TRAF6: variants seen among roughly 807,000 people sequenced by gnomAD.
TRAF6 encodes the protein TNF receptor associated factor 6.
In TRAF6, 10 loss-of-function variants were observed where a neutral mutation model predicts 48.4. The observed-to-expected ratio is 0.21, with a 90% CI of 0.13 to 0.35. The LOEUF is 0.35. Ranked by LOEUF, TRAF6 falls within the 10% of genes least tolerant of loss-of-function variation. TRAF6 has a pLI of 1.00. For synonymous variants in TRAF6, 186 were observed against 219.6 expected (o/e 0.85, Z 1.35); for missense variants, 397 against 661.0 (o/e 0.60, Z 4.38).
rs1169025987 is a variant in TRAF6 at position 36,484,695 on chromosome 11, A to G, written c.*5143T>C. Reference sequence around the variant, plus strand: ...GTCTTAGCTCCTAATTTAGTGACCTATATGCTAAATTACACCTTTTCATCC... The same window carrying G: ...GTCTTAGCTCCTAATTTAGTGACCTGTATGCTAAATTACACCTTTTCATCC... On this transcript the variant is annotated 3_prime_UTR_variant, in exon 7 of 7. Transcript: ENST00000526995. Among the ~76,000 whole-genome samples, 1 of 152,234 alleles carries G rather than the reference A, an allele frequency of 6.6e-6. No individual in the cohort carries two copies. Among genetic ancestry groups the G allele is most frequent in the Non-Finnish European group, 1.5e-5 (1 of 68,040 alleles).
intron 1 of TRAF6, among the ~76,000 whole-genome samples, chr11:36,509,425 CTT>C (rs879350395): frequency 1.6e-4 from 23 of 144,890 alleles, no homozygotes; most frequent in Admixed American, 1.4e-4. Flanking sequence ...TCATCTGAGC[CTT>C]TTTTTTTTTT....
chr11:36,496,773 C>T (rs5030458), intron 4 of TRAF6, among the ~76,000 whole-genome samples: 108 of 120,188 alleles, frequency 9.0e-4, no homozygotes, highest in African/African-American at 3.3e-3. Flanking sequence ...TCTTAATCTA[C>T]TTGTTTGTCT....
chr11:36,498,594 T>A lies in TRAF6; in HGVS notation c.343A>T (p.Asn115Tyr), dbSNP rs1859671847. ...GCAAAATTGTCTGGAAATAGTTGAT[T>A]TTCCAGCAGTATTTCATTGTCAACT... is the stretch of plus-strand genomic sequence containing the variant. Reference protein sequence around the residue: ...CPVDNEILLENQLFPDNFAKR... With the variant: ...CPVDNEILLEYQLFPDNFAKR... The change falls in exon 3 of 7, where the codon AAT becomes TAT. Residue 115 changes from asparagine to tyrosine, a missense_variant. Coordinates refer to ENST00000526995, the MANE Select transcript of TRAF6 (RefSeq NM_004620.4). 1 of 1,613,580 alleles carries A rather than the reference T, an allele frequency of 6.2e-7. No individual in the cohort carries two copies. The highest frequency in any genetic ancestry group is 8.5e-7 in the Non-Finnish European group (1 of 1,179,868).
In TRAF6 at chr11:36,483,943, A is replaced by G. The variant is rs1046241005; in HGVS notation, c.*5895T>C. ...CCATTCAAGGAACACTTTTGGTCAT[A>G]CCTTGCAACCAGTACTGAGACATGA... is the stretch of plus-strand genomic sequence containing the variant. On this transcript the variant is annotated 3_prime_UTR_variant, in exon 7 of 7. Coordinates refer to ENST00000526995, the MANE Select transcript of TRAF6 (RefSeq NM_004620.4). 2.3e-4 allele frequency among the ~76,000 whole-genome samples: 35 copies of G among 152,314 alleles called. No homozygotes were observed. Among genetic ancestry groups the G allele is most frequent in the Middle Eastern group, 3.4e-3 (1 of 292 alleles).
At chr11:36,502,199 A>G (rs1859727854) in intron 1 of TRAF6, among the ~76,000 whole-genome samples, 1 of 152,222 alleles carries the variant, frequency 6.6e-6, no homozygotes, top group Non-Finnish European at 1.5e-5. Flanking sequence ...GGACTTCCAA[A>G]TGCTCAGTGT....
chr11:36,495,754 T>G (rs769554779), intron 4 of TRAF6, among the ~76,000 whole-genome samples: 6 of 152,132 alleles, frequency 3.9e-5, no homozygotes, highest in Non-Finnish European at 7.4e-5. Flanking sequence ...TAGCCGGGCA[T>G]GGTGATGCAT....
chr11:36,495,870 C>T (rs1218817073), intron 4 of TRAF6, among the ~76,000 whole-genome samples: 1 of 151,922 alleles, frequency 6.6e-6, no homozygotes, highest in African/African-American at 2.4e-5. Flanking sequence ...CCAGCCTGGG[C>T]AACAGGAGTG....
intron 5 of TRAF6, 73 bp downstream of exon 5, chr11:36,494,903 T>A (rs1386505768): frequency 4.4e-6 from 5 of 1,129,120 alleles, no homozygotes; most frequent in Non-Finnish European, 6.5e-6. Context: ...TTGATTTAAA[T>A]TTTCAATTAA....
Position 36,490,533 on chromosome 11 carries a change from CCT to C in TRAF6, c.872_873del (p.Glu291GlyfsTer28). On this transcript the variant is annotated frameshift_variant, in exon 7 of 7. Transcript: ENST00000526995. LOFTEE classifies it high-confidence loss of function. The surrounding 1 kb of genome is among the most constrained non-coding windows in gnomAD (Gnocchi z 6.4). The part of the protein sequence containing the change: ...SVIPDSGYIS[E>X]VRNFQETIHQ... ...TGAATAGTTTCCTGGAAATTCCGGA[CCT>C]CTGAGATATACCCAGAGTCGGGTAT... The C allele has an allele frequency of 6.2e-7, 1 of 1,614,074 alleles. No individual in the cohort carries two copies. The highest frequency in any genetic ancestry group is 8.5e-7 in the Non-Finnish European group (1 of 1,180,040).
At position 36,486,592 on chromosome 11, in the gene TRAF6, T is replaced by A. The variant is rs1288431544; in HGVS notation, c.*3246A>T. 6.6e-6 allele frequency among the ~76,000 whole-genome samples: 1 copy of A among 152,150 alleles called. No individual in the cohort carries two copies. The highest frequency in any genetic ancestry group is 1.5e-5 in the Non-Finnish European group (1 of 68,036). ...CGTCCAGTATCTCTGTATTATTCCA[T>A]CATTAGAATAAAAAACACCTGCCTT... On this transcript the variant is annotated 3_prime_UTR_variant, in exon 7 of 7. Transcript: ENST00000526995.
At position 36,485,702 on chromosome 11, in the gene TRAF6, A is replaced by T. The variant is rs978336026; in HGVS notation, c.*4136T>A. Among the ~76,000 whole-genome samples the T allele has an allele frequency of 4.6e-5, 7 of 152,146 alleles. No homozygotes were observed. The highest frequency in any genetic ancestry group is 1.7e-4 in the African/African-American group (7 of 41,400). On this transcript the variant is annotated 3_prime_UTR_variant, in exon 7 of 7. Transcript: ENST00000526995. The stretch of plus-strand genomic sequence containing the variant: ...TTAAAATATTACACACACAAGTGAC[A>T]TTTAGTGAAACAACCAGGCACCTCC...
intron 1 of TRAF6, among the ~76,000 whole-genome samples, chr11:36,508,419 C>G (rs1465334981): frequency 6.6e-6 from 1 of 151,906 alleles, no homozygotes; most frequent in Non-Finnish European, 1.5e-5. Context: ...GAATTAGTAT[C>G]TGGGTGTACA....
intron 1 of TRAF6, among the ~76,000 whole-genome samples, chr11:36,503,046 A>T (rs942370284): frequency 6.6e-6 from 1 of 152,210 alleles, no homozygotes; most frequent in Non-Finnish European, 1.5e-5. Flanking sequence ...CCCAACTAAT[A>T]AGTAACAGAG....
chr11:36,506,819 T>C (rs566528971), intron 1 of TRAF6, among the ~76,000 whole-genome samples: 4 of 152,196 alleles, frequency 2.6e-5, no homozygotes, highest in Non-Finnish European at 5.9e-5. Flanking sequence ...AGAAGCTTTC[T>C]ATTTTCCAAA....
At chr11:36,499,482 T>G (rs2133673811) in intron 2 of TRAF6, among the ~76,000 whole-genome samples, 1 of 152,250 alleles carries the variant, frequency 6.6e-6, no homozygotes, top group East Asian at 1.9e-4. Flanking sequence ...CCCACTACTT[T>G]CATGAACATC....
intron 4 of TRAF6, among the ~76,000 whole-genome samples, chr11:36,496,662 TA>T (rs1220248977): frequency 3.9e-5 from 6 of 152,256 alleles, no homozygotes; most frequent in Non-Finnish European, 5.9e-5. Flanking sequence ...CGCTGCACGA[TA>T]AAGTATCATC....
Position 36,488,341 on chromosome 11 carries a change from G to A in TRAF6, c.*1497C>T, listed in dbSNP as rs1485979438. On this transcript the variant is annotated 3_prime_UTR_variant, in exon 7 of 7. Coordinates refer to ENST00000526995, the MANE Select transcript of TRAF6 (RefSeq NM_004620.4). Reference sequence around the variant, plus strand: ...GGGAGAAGAGAGAAAAAAGCAAAGGGAAAGTTCAAAGTGACACTCGCTGGG... The same window carrying A: ...GGGAGAAGAGAGAAAAAAGCAAAGGAAAAGTTCAAAGTGACACTCGCTGGG... 1 of 152,520 alleles carries A rather than the reference G, an allele frequency of 6.6e-6. No individual in the cohort carries two copies. The highest frequency in any genetic ancestry group is 2.4e-5 in the African/African-American group (1 of 41,428). The allele number at this position is 152,520 out of a possible 1,614,324, so 9.4% of individuals were successfully genotyped here.
In TRAF6 at chr11:36,484,662, G is replaced by C. The variant is rs1408039444; in HGVS notation, c.*5176C>G. ...CTGATTGACCCATGGTCAGTCAGGA[G>C]AAAATGTGTCTTAGCTCCTAATTTA... On this transcript the variant is annotated 3_prime_UTR_variant, in exon 7 of 7. Coordinates refer to ENST00000526995, the MANE Select transcript of TRAF6 (RefSeq NM_004620.4). Among the ~76,000 whole-genome samples, 3 of 152,122 alleles carry C rather than the reference G, an allele frequency of 2.0e-5. No individual in the cohort carries two copies. The highest frequency in any genetic ancestry group is 4.4e-5 in the Non-Finnish European group (3 of 68,022).
At chr11:36,504,227 G>A (rs1023331171) in intron 1 of TRAF6, among the ~76,000 whole-genome samples, 1 of 152,134 alleles carries the variant, frequency 6.6e-6, no homozygotes, top group African/African-American at 2.4e-5. Flanking sequence ...GTATTTCTCT[G>A]TAGCATGTGA....
Sources: allele counts gnomAD v4.1 joint callset (sites outside exome capture counted in the v4.1 genomes callset), GRCh38; gene constraint gnomAD v4.1.1; non-coding constraint Gnocchi (gnomAD v3.1); transcripts MANE v1.5; gene names NCBI Gene and HGNC (gene_info 2026-07-23, HGNC 2026-07-21).